LRRC45: variants seen among roughly 807,000 people sequenced by gnomAD.
The protein encoded by LRRC45 is leucine rich repeat containing 45.
A neutral mutation model predicts 85.4 loss-of-function variants in LRRC45; 73 were observed. That is an observed-to-expected ratio of 0.85 (90% CI 0.71 to 1.04). The LOEUF is 1.04. Among genes scored for constraint, LRRC45 ranks in the 50% least tolerant of loss-of-function variants. LRRC45 has a pLI of 0.00. For missense variants in LRRC45, 937 were observed against 883.3 expected, an observed-to-expected ratio of 1.06 and a Z score of -0.77; for synonymous variants, 429 against 386.0, an observed-to-expected ratio of 1.11 and a Z score of -1.31.
Position 82,024,722 on chromosome 17 carries a change from G to C in LRRC45, c.312G>C (p.Glu104Asp), listed in dbSNP as rs1453440230. ...KGNNLRAAGA[E>D]ALGKLLQQNK... ...ACAACCTTCGGGCTGCAGGGGCCGA[G>C]GCTCTGGGAAAACTCCTCCAACAGA... Residue 104 changes from glutamate to aspartate, a missense_variant, in exon 3 of 17, where the codon GAG (glutamate) becomes GAC (aspartate). Glu to Asp is a conservative substitution (Grantham distance 45, BLOSUM62 2). Transcript: ENST00000306688. 1 of 1,577,982 alleles carries C rather than the reference G, an allele frequency of 6.3e-7. No individual in the cohort carries two copies. The highest frequency in any genetic ancestry group is 8.6e-7 in the Non-Finnish European group (1 of 1,166,032).
At position 82,027,747 on chromosome 17, in the gene LRRC45, G is replaced by C; in HGVS notation, c.907G>C (p.Ala303Pro). Reference sequence around the variant, plus strand: ...GCACTCCATCATCAACGCTCTCAAGGCCAAGTAAGTGGGGGGTGGCCTCAG... The same window carrying C: ...GCACTCCATCATCAACGCTCTCAAGCCCAAGTAAGTGGGGGGTGGCCTCAG... ...ERHSIINALK[A>P]KLQMTEAALA... The change falls in exon 8 of 17, where the codon GCC becomes CCC. Residue 303 changes from alanine to proline, a missense_variant. By Grantham distance (27) the Ala-to-Pro change is conservative. Coordinates refer to ENST00000306688, the MANE Select transcript of LRRC45 (RefSeq NM_144999.4). 3 of 1,610,568 alleles carry C rather than the reference G, an allele frequency of 1.9e-6. No homozygotes were observed. Among genetic ancestry groups the C allele is most frequent in the Non-Finnish European group, 2.5e-6 (3 of 1,178,948 alleles).
intron 12 of LRRC45, 32 bp from the exon 13 acceptor site, chr17:82,029,061 A>G (rs1489765161): frequency 6.3e-7 from 1 of 1,598,744 alleles, no homozygotes; most frequent in Non-Finnish European, 8.5e-7. Context: ...CCCGCTCTCC[A>G]CTCTGGCCCC....
At position 82,030,629 on chromosome 17, in the gene LRRC45, G is replaced by C; in HGVS notation, c.1837G>C (p.Glu613Gln). The C allele has an allele frequency of 7.1e-7, 1 of 1,407,564 alleles. No individual in the cohort carries two copies. 87.2% of individuals were successfully genotyped at this position (1,407,564 alleles called of 1,614,324 possible). Residue 613 changes from glutamate (E) to glutamine (Q), a missense_variant, in exon 17 of 17, where the codon GAG (glutamate) becomes CAG (glutamine). Coordinates refer to ENST00000306688, the MANE Select transcript of LRRC45 (RefSeq NM_144999.4). Reference sequence around the variant, plus strand: ...TGCAGTGATGGCGAGCGACCACCGAGAGGCGCTGCTGGACAGGGAGAGCGA... The same window carrying C: ...TGCAGTGATGGCGAGCGACCACCGACAGGCGCTGCTGGACAGGGAGAGCGA... ...QLKVMASDHR[E>Q]ALLDRESENA...
chr17:82,024,883 CAG>C, intron 3 of LRRC45, 115 bp from the exon 4 acceptor site: 1 of 1,434,304 alleles, frequency 7.0e-7, no homozygotes, highest in Non-Finnish European at 9.2e-7. Flanking sequence ...CATACGTTGG[CAG>C]GGGTAGGCAG....
Position 82,030,441 on chromosome 17 carries a change from G to A in LRRC45, c.1791G>A (p.Ala597=), listed in dbSNP as rs761295826. The change falls in exon 16 of 17, where the codon GCG becomes GCA. Residue 597 remains alanine (A), a synonymous_variant. Transcript: ENST00000306688. ...LAAQEALREK[A]AALERQLKVM... is the part of the protein sequence containing the mutation. The stretch of plus-strand genomic sequence containing the variant: ...CTCAGGAGGCGCTGAGGGAGAAGGC[G>A]GCGGCCCTGGAGCGCCAGCTGAAAG... 6 of 1,547,328 alleles carry A rather than the reference G, an allele frequency of 3.9e-6. No homozygotes were observed. Among genetic ancestry groups the A allele is most frequent in the Middle Eastern group, 1.8e-4 (1 of 5,490 alleles).
At chr17:82,027,984 C>T (rs561144243) in intron 8 of LRRC45, 27 bp from the exon 9 acceptor site, 168 of 1,577,634 alleles carry the variant, frequency 1.1e-4, no homozygotes, top group Middle Eastern at 4.5e-4. Context: ...CCAACCGGGG[C>T]GGGGGTGCTG....
At chr17:82,024,885 G>A in intron 3 of LRRC45, 115 bp from the exon 4 acceptor site, 1 of 1,438,290 alleles carries the variant, frequency 7.0e-7, no homozygotes, top group Non-Finnish European at 9.2e-7. Flanking sequence ...TACGTTGGCA[G>A]GGGTAGGCAG....
rs139592675 is a variant in LRRC45 at position 82,029,745 on chromosome 17, T to A, written c.1494+110T>A. ...GAGTGGGGAGGCGGGAGTGTGGTGTTGAGGTCAGATGAGCACACCCTGGAC... is the reference window on the plus strand; with the variant it reads ...GAGTGGGGAGGCGGGAGTGTGGTGTAGAGGTCAGATGAGCACACCCTGGAC... On this transcript the variant is annotated intron_variant, in intron 14 of 16. Coordinates refer to ENST00000306688, the MANE Select transcript of LRRC45 (RefSeq NM_144999.4). 785 of 1,046,586 alleles carry A rather than the reference T, an allele frequency of 7.5e-4. 8 individuals are homozygous for A. In the African/African-American group the frequency reaches 0.011, roughly 15 times the overall value. The allele number at this position is 1,046,586 out of a possible 1,614,324, so 64.8% of individuals were successfully genotyped here.
intron 16 of LRRC45, 51 bp downstream of exon 16, chr17:82,030,517 G>C: frequency 6.6e-7 from 1 of 1,523,938 alleles, no homozygotes; most frequent in Non-Finnish European, 8.8e-7. Context: ...CGTGAGGCCA[G>C]CCAGAGAGCG....
rs2043355884 is a variant in LRRC45 at position 82,025,047 on chromosome 17, C to T, written c.401C>T (p.Ala134Val). The change falls in exon 4 of 17, where the codon GCC becomes GTC. Residue 134 changes from alanine (A) to valine (V), a missense_variant. By Grantham distance (64) the Ala-to-Val change is moderately conservative. Coordinates refer to ENST00000306688, the MANE Select transcript of LRRC45 (RefSeq NM_144999.4). ...CTGGGCACGTGGGACGATGCCTTCGCCACCTTCTGCGGGGGCCTGGCGGCC... is the reference window on the plus strand; with the variant it reads ...CTGGGCACGTGGGACGATGCCTTCGTCACCTTCTGCGGGGGCCTGGCGGCC... ...NSLGTWDDAF[A>V]TFCGGLAANG... 1 of 1,606,634 alleles carries T rather than the reference C, an allele frequency of 6.2e-7. No individual in the cohort carries two copies. The highest frequency in any genetic ancestry group is 2.2e-5 in the East Asian group (1 of 44,644).
At chr17:82,025,835 A>G (rs979655793) in intron 5 of LRRC45, among the ~76,000 whole-genome samples, 2 of 152,178 alleles carry the variant, frequency 1.3e-5, no homozygotes, top group African/African-American at 4.8e-5. Flanking sequence ...CGGGTGGCCC[A>G]GGTCTTGGCC....
chr17:82,024,878 G>A (rs750757456), intron 3 of LRRC45, 115 bp downstream of exon 3: 114 of 1,436,308 alleles, frequency 7.9e-5, no homozygotes, highest in Non-Finnish European at 9.9e-5. Context: ...TTTCACATAC[G>A]TTGGCAGGGG....
chr17:82,027,204 C>T (rs1358896791), intron 6 of LRRC45, among the ~76,000 whole-genome samples, 182 bp from the exon 7 acceptor site: 2 of 152,206 alleles, frequency 1.3e-5, no homozygotes, highest in African/African-American at 4.8e-5. Context: ...GGGGAGCTGG[C>T]GTCTGAGCCC....
rs2043372863 is a variant in LRRC45, at chr17:82,026,918, C to T, written c.681C>T (p.Ser227=). The T allele has an allele frequency of 6.2e-7, 1 of 1,606,090 alleles. No homozygotes were observed. Among genetic ancestry groups the T allele is most frequent in the Non-Finnish European group, 8.5e-7 (1 of 1,178,352 alleles). ...LRAVEQAMGH[S]QDRLTTFQEN... is the part of the protein sequence containing the mutation. The stretch of plus-strand genomic sequence containing the variant: ...CTGCAGAGCAAGCCATGGGCCACAG[C>T]CAGGACCGGCTCACCACCTTCCAGG... Residue 227 remains serine, a synonymous_variant, in exon 6 of 17, where the codon AGC becomes AGT. Transcript: ENST00000306688.
At chr17:82,027,798 G>T (rs761968971) in intron 8 of LRRC45, 47 bp downstream of exon 8, 1 of 1,590,832 alleles carries the variant, frequency 6.3e-7, no homozygotes, top group South Asian at 1.1e-5. Context: ...TGCCCACAGG[G>T]CAGAGAAAGG....
chr17:82,028,820 C>A (rs963391784), intron 12 of LRRC45, 137 bp downstream of exon 12: 1 of 1,019,982 alleles, frequency 9.8e-7, no homozygotes, highest in Non-Finnish European at 1.4e-6. Context: ...CCAGCCTGAG[C>A]GGATGTCAGA....
chr17:82,023,600 A>C lies in LRRC45; in HGVS notation c.-44A>C. 1 of 1,464,242 alleles carries C rather than the reference A, an allele frequency of 6.8e-7. No homozygotes were observed. The highest frequency in any genetic ancestry group is 9.1e-7 in the Non-Finnish European group (1 of 1,104,148). The allele number at this position is 1,464,242 out of a possible 1,614,324, so 90.7% of individuals were successfully genotyped here. A position where few individuals can be genotyped will look rare whatever the true frequency, so the allele number is the denominator to read the frequency against. On this transcript the variant is annotated 5_prime_UTR_variant, in exon 1 of 17. Transcript: ENST00000306688. ...CCGCACCGCGCGGCTCCCTTTCAGC[A>C]GCTGCGGGAGCATGCGGAGGAGGCC...
intron 4 of LRRC45, 38 bp downstream of exon 4, chr17:82,025,216 T>C (rs2043358067): frequency 6.4e-7 from 1 of 1,554,962 alleles, no homozygotes; most frequent in Non-Finnish European, 8.7e-7. Flanking sequence ...CCCTCATCCC[T>C]CTGAGGCTGC....
Position 82,028,128 on chromosome 17 carries a change from G to A in LRRC45, c.1029G>A (p.Glu343=), listed in dbSNP as rs748113860. ...GCCTGTCACAGAGGCAGGCCAAGGA[G>A]CTCAAGCTGGAGCAGCAGGTGGGTG... ...QLSLSQRQAK[E]LKLEQQEAAE... is the part of the protein sequence containing the mutation. Residue 343 remains glutamate, a synonymous_variant, in exon 9 of 17, where the codon GAG becomes GAA. Transcript: ENST00000306688. The A allele has an allele frequency of 6.4e-7, 1 of 1,569,682 alleles. No individual in the cohort carries two copies. Among genetic ancestry groups the A allele is most frequent in the African/African-American group, 1.3e-5 (1 of 74,196 alleles).
Sources: allele counts gnomAD v4.1 joint callset (sites outside exome capture counted in the v4.1 genomes callset), GRCh38; gene constraint gnomAD v4.1.1; transcripts MANE v1.5; gene names NCBI Gene and HGNC (gene_info 2026-07-23, HGNC 2026-07-21).